The following PRKCE variants were observed in gnomAD, a reference collection of about 807,000 sequenced individuals.
PRKCE encodes the protein protein kinase C epsilon type.
In PRKCE, 16 loss-of-function variants were observed where a neutral mutation model predicts 85.4. The ratio of observed to expected loss-of-function variants is 0.19; its 90% CI spans 0.13 to 0.28. PRKCE has a LOEUF of 0.28. Among genes scored for constraint, PRKCE ranks in the 10% least tolerant of loss-of-function variants. The pLI is 1.00. For synonymous variants in PRKCE, 388 were observed against 371.5 expected (o/e 1.04, Z -0.51); for missense variants, 573 against 975.2 (o/e 0.59, Z 5.49).
intron 1 of PRKCE, among the ~76,000 whole-genome samples, chr2:45,684,610 G>A (rs151226195): frequency 0.026 from 3,972 of 152,224 alleles, 128 homozygotes; most frequent in Admixed American, 0.084. Flanking sequence ...CCCCCTAGTG[G>A]CATGTGACCT....
chr2:45,787,223 C>G (rs1346936204), intron 1 of PRKCE, among the ~76,000 whole-genome samples: 1 of 152,154 alleles, frequency 6.6e-6, no homozygotes, highest in Non-Finnish European at 1.5e-5. Flanking sequence ...AGTGCAGGCT[C>G]GGAAGCTTGA....
chr2:46,026,868 G>A (rs961178168), intron 10 of PRKCE, among the ~76,000 whole-genome samples: 1 of 152,166 alleles, frequency 6.6e-6, no homozygotes, highest in African/African-American at 2.4e-5. Flanking sequence ...TTCTTAGGAG[G>A]AAACACATGG....
At chr2:45,872,293 C>T (rs1694157043) in intron 2 of PRKCE, among the ~76,000 whole-genome samples, 1 of 152,050 alleles carries the variant, frequency 6.6e-6, no homozygotes, top group Non-Finnish European at 1.5e-5. Flanking sequence ...GTGCAAAGAC[C>T]CTGCAAGCAA....
chr2:46,012,910 A>G (rs1705809840), intron 10 of PRKCE, among the ~76,000 whole-genome samples: 1 of 152,218 alleles, frequency 6.6e-6, no homozygotes, highest in Non-Finnish European at 1.5e-5. Context: ...GGATGTTGTC[A>G]TGGATGGCTG....
intron 1 of PRKCE, among the ~76,000 whole-genome samples, chr2:45,677,368 G>C (rs1229079678): frequency 1.5e-5 from 1 of 66,530 alleles, no homozygotes; most frequent in Non-Finnish European, 3.0e-5. Flanking sequence ...TTTTTTTTTT[G>C]AGACGGAGTC....
At chr2:45,817,066 A>T (rs1047114179) in intron 1 of PRKCE, among the ~76,000 whole-genome samples, 1 of 135,788 alleles carries the variant, frequency 7.4e-6, no homozygotes, top group Non-Finnish European at 1.6e-5. Flanking sequence ...CTGTAAGTAG[A>T]GTGTGTGTGT....
chr2:45,799,738 C>T (rs187743702), intron 1 of PRKCE, among the ~76,000 whole-genome samples: 28 of 152,276 alleles, frequency 1.8e-4, no homozygotes, highest in Admixed American at 4.6e-4. Context: ...CCCTAGTCTG[C>T]GGATGGCACT....
intron 10 of PRKCE, among the ~76,000 whole-genome samples, chr2:46,042,421 A>G (rs1202219173): frequency 6.6e-6 from 1 of 152,216 alleles, no homozygotes; most frequent in Admixed American, 6.5e-5. Context: ...AGAAAAGAAA[A>G]CAAACAAAAG....
intron 1 of PRKCE, among the ~76,000 whole-genome samples, chr2:45,826,122 A>C (rs1156476436): frequency 1.3e-5 from 2 of 152,172 alleles, no homozygotes; most frequent in African/African-American, 4.8e-5. Context: ...TTGCATTTTC[A>C]GACACCGGAG....
At chr2:45,874,611 G>A (rs1000381018) in intron 2 of PRKCE, among the ~76,000 whole-genome samples, 1 of 152,232 alleles carries the variant, frequency 6.6e-6, no homozygotes, top group Non-Finnish European at 1.5e-5. Flanking sequence ...TGGCCATGGG[G>A]TGTGTCAAAT....
intron 5 of PRKCE, among the ~76,000 whole-genome samples, chr2:45,982,191 T>G (rs1453898094): frequency 2.0e-5 from 3 of 151,608 alleles, no homozygotes; most frequent in Non-Finnish European, 4.4e-5. Context: ...TCCCTTAGTG[T>G]CAGTGTATCT....
chr2:45,811,114 T>C (rs1459439904), intron 1 of PRKCE, among the ~76,000 whole-genome samples: 1 of 152,180 alleles, frequency 6.6e-6, no homozygotes, highest in African/African-American at 2.4e-5. Context: ...GGTTGGGGAA[T>C]GTGTTCTTTA....
At chr2:46,012,814 C>A (rs770330092) in intron 10 of PRKCE, among the ~76,000 whole-genome samples, 1 of 152,214 alleles carries the variant, frequency 6.6e-6, no homozygotes, top group Admixed American at 6.5e-5. Context: ...AAGGATTCCT[C>A]ATCATATGGC....
At chr2:46,177,592 C>G (rs1679547787) in intron 14 of PRKCE, among the ~76,000 whole-genome samples, 1 of 152,172 alleles carries the variant, frequency 6.6e-6, no homozygotes, top group Non-Finnish European at 1.5e-5. Flanking sequence ...AATTTCCCCT[C>G]TTATAAGGAC....
chr2:45,804,142 G>A (rs1451159362), intron 1 of PRKCE, among the ~76,000 whole-genome samples: 1 of 152,192 alleles, frequency 6.6e-6, no homozygotes, highest in Non-Finnish European at 1.5e-5. Flanking sequence ...AGTGCTTAAT[G>A]CATGACTCTA....
intron 1 of PRKCE, among the ~76,000 whole-genome samples, chr2:45,677,650 C>G (rs1031228887): frequency 1.3e-5 from 2 of 152,214 alleles, no homozygotes; most frequent in Admixed American, 1.3e-4. Context: ...GAGAAATAAC[C>G]TGATCAGATT....
chr2:46,047,227 C>A (rs201115370), intron 10 of PRKCE, among the ~76,000 whole-genome samples: 1 of 152,120 alleles, frequency 6.6e-6, no homozygotes, highest in Non-Finnish European at 1.5e-5. Flanking sequence ...AACTGCCCTC[C>A]TTGTCTGATA....
chr2:45,980,090 T>C (rs1702763847), intron 4 of PRKCE, among the ~76,000 whole-genome samples: 1 of 152,240 alleles, frequency 6.6e-6, no homozygotes, highest in Non-Finnish European at 1.5e-5. Flanking sequence ...TACCTTGCTC[T>C]CTGGAGCATT....
intron 1 of PRKCE, among the ~76,000 whole-genome samples, chr2:45,820,891 C>A (rs527796698): frequency 6.6e-6 from 1 of 152,126 alleles, no homozygotes; most frequent in South Asian, 2.1e-4. Context: ...TCCCCACCCC[C>A]TTCCCACCCC....
Sources: allele counts gnomAD v4.1 joint callset (sites outside exome capture counted in the v4.1 genomes callset), GRCh38; gene constraint gnomAD v4.1.1; transcripts MANE v1.5; gene names NCBI Gene and HGNC (gene_info 2026-07-23, HGNC 2026-07-21).